Variants in CYP39A1 observed in about 807,000 individuals in gnomAD.
CYP39A1 encodes the protein 24-hydroxycholesterol 7-alpha-hydroxylase.
Under a neutral mutation model 58.1 loss-of-function variants are expected in CYP39A1, and 49 were observed. The ratio of observed to expected loss-of-function variants is 0.84; its 90% CI spans 0.67 to 1.07. The LOEUF is 1.07. Among genes scored for constraint, CYP39A1 ranks in the 50% least tolerant of loss-of-function variants. The pLI is 0.00. For missense variants in CYP39A1, 531 were observed against 539.4 expected (o/e 0.98, Z 0.16); for synonymous variants, 209 against 187.6 (o/e 1.11, Z -0.93).
At chr6:46,564,183 C>CTATTTTATTT (rs1276171636) in intron 10 of CYP39A1, among the ~76,000 whole-genome samples, 1 of 82,098 alleles carries the variant, frequency 1.2e-5, no homozygotes, top group East Asian at 2.4e-4. Flanking sequence ...CTATTTTATT[C>CTATTTTATTT]TATTTTATTT....
intron 7 of CYP39A1, among the ~76,000 whole-genome samples, chr6:46,602,761 A>G (rs1773591460): frequency 6.7e-6 from 1 of 150,276 alleles, no homozygotes; most frequent in South Asian, 2.1e-4. Flanking sequence ...CTTGGATTTT[A>G]TTATTAGATA....
At chr6:46,590,793 C>G (rs1772785019) in intron 8 of CYP39A1, among the ~76,000 whole-genome samples, 1 of 152,058 alleles carries the variant, frequency 6.6e-6, no homozygotes, top group Non-Finnish European at 1.5e-5. Context: ...CCTGAATAAC[C>G]AATTTAATCT....
chr6:46,589,377 C>T (rs917094071), intron 8 of CYP39A1, among the ~76,000 whole-genome samples: 3 of 152,028 alleles, frequency 2.0e-5, no homozygotes, highest in Non-Finnish European at 4.4e-5. Context: ...TGCTTGAGCC[C>T]AGGAGGTTGA....
intron 9 of CYP39A1, 126 bp from the exon 10 acceptor site, chr6:46,587,291 AT>A: frequency 1.4e-6 from 1 of 690,266 alleles, no homozygotes; most frequent in East Asian, 2.7e-5. Flanking sequence ...GTTGTTGGTA[AT>A]TTTTTCCACC....
chr6:46,596,105 T>G lies in CYP39A1; in HGVS notation c.947A>C (p.Lys316Thr), dbSNP rs751412880. The change falls in exon 8 of 12, where the codon AAA becomes ACA. Residue 316 changes from lysine to threonine, a missense_variant. Physicochemically the swap from Lys to Thr is moderately conservative, Grantham distance 78 (BLOSUM62 -1). Transcript: ENST00000275016. ...VFGKAGKDKIKVSEDDLENLL... is the reference protein window; with the variant it reads ...VFGKAGKDKITVSEDDLENLL... Reference sequence around the variant, plus strand: ...ATTCTCCAGGTCATCCTCAGACACTTTAATCTTATCTTTGCCTGTAAAAAA... The same window carrying G: ...ATTCTCCAGGTCATCCTCAGACACTGTAATCTTATCTTTGCCTGTAAAAAA... 11 of 1,603,668 alleles carry G rather than the reference T, an allele frequency of 6.9e-6. No individual in the cohort carries two copies. The African/African-American group carries it at 1.5e-4, about 22-fold the overall frequency.
At chr6:46,591,416 T>C (rs1229279652) in intron 8 of CYP39A1, among the ~76,000 whole-genome samples, 1 of 152,092 alleles carries the variant, frequency 6.6e-6, no homozygotes, top group Non-Finnish European at 1.5e-5. Context: ...TTTGCTATGG[T>C]ACATTCAAAT....
intron 7 of CYP39A1, among the ~76,000 whole-genome samples, chr6:46,600,488 T>C (rs569581139): frequency 1.3e-5 from 2 of 151,970 alleles, no homozygotes; most frequent in African/African-American, 4.8e-5. Context: ...GGGCTAGTTG[T>C]CAAAGGAACC....
intron 10 of CYP39A1, among the ~76,000 whole-genome samples, chr6:46,562,291 G>C (rs1345327344): frequency 1.3e-5 from 2 of 152,002 alleles, no homozygotes; most frequent in Non-Finnish European, 2.9e-5. Flanking sequence ...CCAAAGTGCT[G>C]GGATTATAGG....
chr6:46,559,386 G>A lies in CYP39A1; in HGVS notation c.1251-5532C>T, dbSNP rs577461685. Among the ~76,000 whole-genome samples, 11 of 152,236 alleles carry A rather than the reference G, an allele frequency of 7.2e-5. No homozygotes were observed. The East Asian group carries it at 1.7e-3, about 24-fold the overall frequency. On this transcript the variant is annotated intron_variant, in intron 10 of 11. Transcript: ENST00000275016. Reference sequence around the variant, plus strand: ...TGCCATGTAAAGGCATATAAGGTTAGGAAAAAGGAACCTTCTGTGAAGTGC... The same window carrying A: ...TGCCATGTAAAGGCATATAAGGTTAAGAAAAAGGAACCTTCTGTGAAGTGC...
chr6:46,600,008 T>G (rs1210383792), intron 7 of CYP39A1, among the ~76,000 whole-genome samples: 2 of 152,208 alleles, frequency 1.3e-5, no homozygotes, highest in Admixed American at 1.3e-4. Flanking sequence ...AATATATATT[T>G]GGTCTGTGGT....
chr6:46,635,450 T>C (rs1192448664), intron 5 of CYP39A1, among the ~76,000 whole-genome samples: 2 of 151,922 alleles, frequency 1.3e-5, no homozygotes, highest in Admixed American at 1.3e-4. Context: ...GCTCCCAGAG[T>C]GATTCTAATG....
Position 46,637,931 on chromosome 6 carries a change from A to C in CYP39A1, c.536T>G (p.Leu179Trp), listed in dbSNP as rs1562015003. Residue 179 changes from leucine to tryptophan, a missense_variant, in exon 4 of 12, where the codon TTG becomes TGG. Transcript: ENST00000275016. The stretch of plus-strand genomic sequence containing the variant: ...GATTTTTTTCTTGTTTGTGGAAAAC[A>C]AACTTTTATTAAAGAGCATATTCAC... The part of the protein sequence containing the change: ...VTVNMLFNKS[L>W]FSTNKKKIKE... 6.2e-7 allele frequency: 1 copy of C among 1,613,230 alleles called. No individual in the cohort carries two copies. The highest frequency in any genetic ancestry group is 1.7e-5 in the Admixed American group (1 of 59,774).
intron 5 of CYP39A1, among the ~76,000 whole-genome samples, chr6:46,635,440 G>T (rs899171593): frequency 4.6e-5 from 7 of 152,182 alleles, no homozygotes; most frequent in Non-Finnish European, 1.0e-4. Flanking sequence ...GTTTTCAAAA[G>T]CTCCCAGAGT....
At chr6:46,581,658 A>T (rs973123105) in intron 10 of CYP39A1, among the ~76,000 whole-genome samples, 2 of 152,120 alleles carry the variant, frequency 1.3e-5, no homozygotes, top group Admixed American at 1.3e-4. Flanking sequence ...TGGGTGGAGC[A>T]TGGGAGGGGG....
intron 10 of CYP39A1, among the ~76,000 whole-genome samples, chr6:46,581,467 C>T (rs975648384): frequency 6.6e-6 from 1 of 151,276 alleles, no homozygotes; most frequent in African/African-American, 2.4e-5. Context: ...ATAGTAACAC[C>T]ATGAAATCCT....
At chr6:46,570,356 T>C (rs1349687710) in intron 10 of CYP39A1, among the ~76,000 whole-genome samples, 1 of 152,174 alleles carries the variant, frequency 6.6e-6, no homozygotes. Flanking sequence ...TTTATTTCCA[T>C]ATGTCTGCCA....
At chr6:46,587,471 A>G (rs904872459) in intron 9 of CYP39A1, among the ~76,000 whole-genome samples, 1 of 152,200 alleles carries the variant, frequency 6.6e-6, no homozygotes, top group Non-Finnish European at 1.5e-5. Flanking sequence ...CTCCGTCATA[A>G]AATTGCTCTT....
At chr6:46,555,308 C>T (rs989486798) in intron 10 of CYP39A1, among the ~76,000 whole-genome samples, 2 of 152,202 alleles carry the variant, frequency 1.3e-5, no homozygotes, top group African/African-American at 2.4e-5. Context: ...GCTGTAGTGC[C>T]CTTCCTCTCC....
chr6:46,642,659 A>T (rs1776416197), intron 1 of CYP39A1, among the ~76,000 whole-genome samples: 1 of 152,220 alleles, frequency 6.6e-6, no homozygotes, highest in African/African-American at 2.4e-5. Context: ...CCTATAGCTG[A>T]ATATTGTTCA....
Sources: gnomAD v4.1 joint callset for allele counts (sites outside exome capture counted in the v4.1 genomes callset) on GRCh38, gnomAD v4.1.1 for gene constraint, MANE v1.5 for transcripts, NCBI Gene and HGNC (gene_info 2026-07-23, HGNC 2026-07-21) for gene names.